Variants in MTF1 observed in about 807,000 individuals in gnomAD.
The protein encoded by MTF1 is metal regulatory transcription factor 1.
Under a neutral mutation model 70.4 loss-of-function variants are expected in MTF1, and 22 were observed. The observed-to-expected ratio is 0.31, with a 90% CI of 0.22 to 0.45. The LOEUF is 0.45. Among genes scored for constraint, MTF1 ranks in the 20% least tolerant of loss-of-function variants. MTF1 has a pLI of 1.00. For missense variants in MTF1, 649 were observed against 922.0 expected (o/e 0.70, Z 3.83); for synonymous variants, 333 against 352.8 (o/e 0.94, Z 0.63).
rs1228199623 is a variant in MTF1 at position 37,821,095 on chromosome 1, G to C, written c.1767+1026C>G. Reference sequence around the variant, plus strand: ...GGAAGCTAAGGTGGGAAGATGGCTTGAGCTCAAGAGGTGGAGGTTGTAGTG... The same window carrying C: ...GGAAGCTAAGGTGGGAAGATGGCTTCAGCTCAAGAGGTGGAGGTTGTAGTG... On this transcript the variant is annotated intron_variant, in intron 9 of 10. Transcript: ENST00000373036. Among the ~76,000 whole-genome samples, 5 of 152,136 alleles carry C rather than the reference G, an allele frequency of 3.3e-5. No homozygotes were observed. In the South Asian group the frequency reaches 6.2e-4, roughly 19 times the overall value.
At chr1:37,852,851 G>A (rs562102392) in intron 2 of MTF1, among the ~76,000 whole-genome samples, 1 of 152,060 alleles carries the variant, frequency 6.6e-6, no homozygotes. Flanking sequence ...GGCTGGTCTA[G>A]AGCTCCAGAC....
chr1:37,828,257 G>A (rs1304994922), intron 7 of MTF1: 1 of 361,366 alleles, frequency 2.8e-6, no homozygotes, highest in East Asian at 1.1e-4. Context: ...ATGGCTTTTG[G>A]GGGTATGTGA....
rs776742967 is a variant in MTF1 at position 37,815,103 on chromosome 1, C to T, written c.*33G>A. The T allele has an allele frequency of 1.1e-5, 17 of 1,590,292 alleles. No homozygotes were observed. Among genetic ancestry groups the T allele is most frequent in the Middle Eastern group, 1.8e-4 (1 of 5,668 alleles). ...TTGTACCTCATGCCTCCTGCTCACC[C>T]GCTTTTCCCAGAGGTGAGCACACAT... is the stretch of plus-strand genomic sequence containing the variant. On this transcript the variant is annotated 3_prime_UTR_variant, in exon 11 of 11. Coordinates refer to ENST00000373036, the MANE Select transcript of MTF1 (RefSeq NM_005955.3). The surrounding 1 kb of genome is among the most constrained non-coding windows in gnomAD (Gnocchi z 4.5).
rs1557597134 is a variant in MTF1, at chr1:37,846,125, T to C, written c.409-5967A>G. On this transcript the variant is annotated intron_variant, in intron 2 of 10. Transcript: ENST00000373036. Reference sequence around the variant, plus strand: ...TATCATTCATACATCCTAAAAATTATGTTCCAGAAATTATACTGTCCTGGG... The same window carrying C: ...TATCATTCATACATCCTAAAAATTACGTTCCAGAAATTATACTGTCCTGGG... Among the ~76,000 whole-genome samples, 3 of 152,228 alleles carry C rather than the reference T, an allele frequency of 2.0e-5. No individual in the cohort carries two copies. The East Asian group carries it at 5.8e-4, about 29-fold the overall frequency.
Position 37,810,729 on chromosome 1 carries a change from T to C in MTF1, c.*4407A>G, listed in dbSNP as rs1640710108. The C allele has an allele frequency of 6.6e-6, 1 of 152,266 alleles. No individual in the cohort carries two copies. 9.4% of individuals were successfully genotyped at this position (152,266 alleles called of 1,614,324 possible). On this transcript the variant is annotated 3_prime_UTR_variant, in exon 11 of 11. Transcript: ENST00000373036. ...AAATCCTTCTGCTTTGGCTGAAGTATATTCTAAAACTTGTCTATTCTATAG... is the reference window on the plus strand; with the variant it reads ...AAATCCTTCTGCTTTGGCTGAAGTACATTCTAAAACTTGTCTATTCTATAG...
chr1:37,834,857 A>G (rs1641141162), intron 6 of MTF1, among the ~76,000 whole-genome samples: 1 of 152,262 alleles, frequency 6.6e-6, no homozygotes, highest in African/African-American at 2.4e-5. Context: ...GACTGCAGGA[A>G]GAACAGGTTT....
intron 1 of MTF1, 114 bp from the exon 2 acceptor site, chr1:37,857,823 A>C: frequency 1.6e-6 from 1 of 611,396 alleles, no homozygotes; most frequent in Non-Finnish European, 2.8e-6. Context: ...GCAAATGAAA[A>C]ACCATCCTTG....
chr1:37,818,456 G>T (rs1353243826), intron 9 of MTF1, among the ~76,000 whole-genome samples: 2 of 152,308 alleles, frequency 1.3e-5, no homozygotes, highest in East Asian at 3.9e-4. Flanking sequence ...TGTAATCCCA[G>T]CACTTTGGGA....
intron 7 of MTF1, chr1:37,826,477 G>A (rs1641002960): frequency 2.4e-6 from 1 of 417,110 alleles, no homozygotes; most frequent in Non-Finnish European, 4.7e-6. Flanking sequence ...GTAGAGATAA[G>A]GTCCTGCTAC....
At position 37,817,496 on chromosome 1, in the gene MTF1, A is replaced by G. The variant is rs1425814478; in HGVS notation, c.1768-14T>C. ...AGATGCTTGCTGCTGAAAAAAGAAA[A>G]AGAAATCTCATTTATAGCCACTGTA... On this transcript the variant is annotated splice_polypyrimidine_tract_variant and intron_variant, in intron 9 of 10. Transcript: ENST00000373036. 1 of 1,599,284 alleles carries G rather than the reference A, an allele frequency of 6.3e-7. No homozygotes were observed. Among genetic ancestry groups the G allele is most frequent in the Admixed American group, 1.7e-5 (1 of 60,004 alleles).
intron 7 of MTF1, chr1:37,828,203 T>C: frequency 2.5e-6 from 1 of 405,418 alleles, no homozygotes; most frequent in South Asian, 1.8e-5. Flanking sequence ...AAACTAATCT[T>C]AGTTGTTGTA....
chr1:37,855,418 T>G (rs1459927820), intron 2 of MTF1, among the ~76,000 whole-genome samples: 1 of 152,094 alleles, frequency 6.6e-6, no homozygotes, highest in East Asian at 1.9e-4. Flanking sequence ...GAAACAAGAT[T>G]AACTGATGTC....
rs1215843009 is a variant in MTF1 at position 37,857,272 on chromosome 1, A to G, written c.387T>C (p.Cys129=). The change falls in exon 2 of 11, where the codon TGT becomes TGC. Residue 129 remains cysteine, a synonymous_variant. Coordinates refer to ENST00000373036, the MANE Select transcript of MTF1 (RefSeq NM_005955.3). ...EGATLTLQSE[C]PETKRKEVKR... ...TTACTTCTTTACGTTTTGTTTCCGG[A>G]CATTCCGACTGCAGAGTGAGGGTTG... 2 of 1,612,102 alleles carry G rather than the reference A, an allele frequency of 1.2e-6. No individual in the cohort carries two copies. The highest frequency in any genetic ancestry group is 1.7e-6 in the Non-Finnish European group (2 of 1,178,278).
chr1:37,821,957 C>T (rs1368339976), intron 9 of MTF1, among the ~76,000 whole-genome samples, 164 bp downstream of exon 9: 2 of 152,040 alleles, frequency 1.3e-5, no homozygotes, highest in Non-Finnish European at 2.9e-5. Flanking sequence ...ACAGCATTTC[C>T]TACGTTTATA....
In MTF1 at chr1:37,810,894, G is replaced by A. The variant is rs1003091906; in HGVS notation, c.*4242C>T. 1 of 152,320 alleles carries A rather than the reference G, an allele frequency of 6.6e-6. No homozygotes were observed. Among genetic ancestry groups the A allele is most frequent in the African/African-American group, 2.4e-5 (1 of 41,438 alleles). The allele number at this position is 152,320 out of a possible 1,614,324, so 9.4% of individuals were successfully genotyped here. On this transcript the variant is annotated 3_prime_UTR_variant, in exon 11 of 11. Coordinates refer to ENST00000373036, the MANE Select transcript of MTF1 (RefSeq NM_005955.3). ...TAAGGAACCAACACAGGTAGTATGG[G>A]GAGCAGTATGGAAATGGCTCATGTT...
At position 37,840,294 on chromosome 1, in the gene MTF1, C is replaced by G. The variant is rs1641236160; in HGVS notation, c.409-136G>C. 1.4e-6 allele frequency: 1 copy of G among 729,490 alleles called. No individual in the cohort carries two copies. Among genetic ancestry groups the G allele is most frequent in the South Asian group, 1.7e-5 (1 of 57,218 alleles). The allele number at this position is 729,490 out of a possible 1,614,324, so 45.2% of individuals were successfully genotyped here. ...TCATCATAAACACAGAAAACAGCCT[C>G]TAGCAGCAAAGTGGAAAAACCTTAT... is the stretch of plus-strand genomic sequence containing the variant. On this transcript the variant is annotated intron_variant, in intron 2 of 10. Coordinates refer to ENST00000373036, the MANE Select transcript of MTF1 (RefSeq NM_005955.3). The surrounding 1 kb of genome is among the most constrained non-coding windows in gnomAD (Gnocchi z 4.5).
chr1:37,813,467 G>A lies in MTF1; in HGVS notation c.*1669C>T, dbSNP rs1640766533. On this transcript the variant is annotated 3_prime_UTR_variant, in exon 11 of 11. Coordinates refer to ENST00000373036, the MANE Select transcript of MTF1 (RefSeq NM_005955.3). ...CCTCTGGCTCCAAGGTAAATTATCT[G>A]TTCTCAATAATATCTTGGCTGGCCC... 6.6e-6 allele frequency: 1 copy of A among 152,286 alleles called. No individual in the cohort carries two copies. The highest frequency in any genetic ancestry group is 2.1e-4 in the South Asian group (1 of 4,836). 9.4% of individuals were successfully genotyped at this position (152,286 alleles called of 1,614,324 possible). A position where few individuals can be genotyped will look rare whatever the true frequency, so the allele number is the denominator to read the frequency against.
At chr1:37,833,323 G>A (rs934659883) in intron 6 of MTF1, among the ~76,000 whole-genome samples, 35 of 152,166 alleles carry the variant, frequency 2.3e-4, no homozygotes, top group African/African-American at 8.2e-4. Flanking sequence ...GACAAATCCA[G>A]TGCTTCTGAC....
chr1:37,835,537 G>C (rs1014897601), intron 5 of MTF1, 134 bp downstream of exon 5: 2 of 709,492 alleles, frequency 2.8e-6, no homozygotes, highest in South Asian at 3.6e-5. Context: ...AAACATTCTA[G>C]GTAAGGCTGA....
Sources: gnomAD v4.1 joint callset for allele counts (sites outside exome capture counted in the v4.1 genomes callset) on GRCh38, gnomAD v4.1.1 for gene constraint, Gnocchi (gnomAD v3.1) non-coding constraint, MANE v1.5 for transcripts, NCBI Gene and HGNC (gene_info 2026-07-23, HGNC 2026-07-21) for gene names.